Variants in CCSER1 observed in about 807,000 individuals in gnomAD.
The protein encoded by CCSER1 is serine-rich coiled-coil domain-containing protein 1.
Under a neutral mutation model 82.0 loss-of-function variants are expected in CCSER1, and 41 were observed. The ratio of observed to expected loss-of-function variants is 0.50; its 90% CI spans 0.39 to 0.65. The LOEUF is 0.65. Ranked by LOEUF, CCSER1 falls within the 30% of genes least tolerant of loss-of-function variation. The probability of loss-of-function intolerance (pLI) is 0.00; values close to 1 mark genes in which losing one functional copy is unlikely to be tolerated. For missense variants in CCSER1, 1,119 were observed against 1,064.2 expected (o/e 1.05, Z -0.72); for synonymous variants, 414 against 383.9 (o/e 1.08, Z -0.92).
chr4:90,439,559 A>C (rs1239462521), intron 4 of CCSER1, among the ~76,000 whole-genome samples: 1 of 152,186 alleles, frequency 6.6e-6, no homozygotes, highest in African/African-American at 2.4e-5. Context: ...GCTCTCTGCC[A>C]AGGCTTTTCC....
intron 9 of CCSER1, among the ~76,000 whole-genome samples, chr4:91,079,214 A>T (rs995891234): frequency 9.2e-5 from 14 of 152,230 alleles, no homozygotes; most frequent in African/African-American, 2.9e-4. Context: ...CATCAGACTA[A>T]CAGCAGATCT....
chr4:91,483,778 TG>T (rs1434938643), intron 10 of CCSER1, among the ~76,000 whole-genome samples: 10 of 152,172 alleles, frequency 6.6e-5, no homozygotes, highest in African/African-American at 2.4e-4. Flanking sequence ...ATCTTATTTT[TG>T]TCAAGAGTAA....
intron 7 of CCSER1, among the ~76,000 whole-genome samples, chr4:90,776,087 G>A (rs1452979755): frequency 6.6e-6 from 1 of 152,068 alleles, no homozygotes; most frequent in Non-Finnish European, 1.5e-5. Flanking sequence ...AATATGGAAA[G>A]TACCAGATAG....
chr4:91,257,053 T>G (rs1457888030), intron 10 of CCSER1, among the ~76,000 whole-genome samples: 1 of 152,202 alleles, frequency 6.6e-6, no homozygotes, highest in East Asian at 1.9e-4. Flanking sequence ...AGATAAATCT[T>G]GTTTCACTCT....
intron 10 of CCSER1, among the ~76,000 whole-genome samples, chr4:91,348,703 C>T (rs1194243333): frequency 2.6e-5 from 4 of 152,070 alleles, no homozygotes; most frequent in African/African-American, 9.7e-5. Context: ...AGGAATTGCT[C>T]CATTTCATCC....
At position 90,924,410 on chromosome 4, in the gene CCSER1, T is replaced by C. The variant is rs999506269; in HGVS notation, c.2172+963T>C. Among the ~76,000 whole-genome samples the C allele has an allele frequency of 1.1e-4, 16 of 152,224 alleles. No homozygotes were observed. The South Asian group carries it at 1.5e-3, about 14-fold the overall frequency. ...TTAGGAAATAAACCAAAGCTTTGAA[T>C]CACTGCACAAATTGTTTTCAAGTGT... On this transcript the variant is annotated intron_variant, in intron 9 of 10. Coordinates refer to ENST00000509176, the MANE Select transcript of CCSER1 (RefSeq NM_001145065.2).
chr4:90,427,425 G>A (rs1757676872), intron 4 of CCSER1, among the ~76,000 whole-genome samples: 1 of 150,914 alleles, frequency 6.6e-6, no homozygotes, highest in African/African-American at 2.4e-5. Flanking sequence ...GGAATCTTTT[G>A]TTTATATGTT....
chr4:91,213,720 T>C (rs1304398798), intron 10 of CCSER1, among the ~76,000 whole-genome samples: 2 of 152,118 alleles, frequency 1.3e-5, no homozygotes, highest in Non-Finnish European at 2.9e-5. Flanking sequence ...GACAATAAAG[T>C]CATTGTAGCA....
At chr4:90,503,336 T>C (rs1475598369) in intron 5 of CCSER1, among the ~76,000 whole-genome samples, 1 of 152,212 alleles carries the variant, frequency 6.6e-6, no homozygotes. Flanking sequence ...CTTGTGGTCT[T>C]ACTATAAGCG....
intron 1 of CCSER1, among the ~76,000 whole-genome samples, chr4:90,229,132 A>G (rs1415517216): frequency 4.6e-5 from 7 of 152,080 alleles, no homozygotes; most frequent in Non-Finnish European, 1.0e-4. Flanking sequence ...CCACAAAGCT[A>G]CTCCTCGAGA....
chr4:91,163,996 C>G (rs552145229), intron 10 of CCSER1, among the ~76,000 whole-genome samples: 1 of 152,198 alleles, frequency 6.6e-6, no homozygotes, highest in Non-Finnish European at 1.5e-5. Flanking sequence ...TTATTTTGCT[C>G]GTTAGTTGAT....
chr4:90,205,266 G>C (rs566635085), intron 1 of CCSER1, among the ~76,000 whole-genome samples: 1 of 152,264 alleles, frequency 6.6e-6, no homozygotes, highest in Admixed American at 6.5e-5. Context: ...TCCTTGTCTT[G>C]TGCCAGTTTT....
chr4:90,504,690 G>C (rs1038051412), intron 5 of CCSER1, among the ~76,000 whole-genome samples: 2 of 152,124 alleles, frequency 1.3e-5, no homozygotes, highest in Non-Finnish European at 2.9e-5. Context: ...GTAAAATAAA[G>C]TGACAATAAG....
intron 6 of CCSER1, among the ~76,000 whole-genome samples, chr4:90,685,804 G>A (rs1734722108): frequency 6.6e-6 from 1 of 152,158 alleles, no homozygotes; most frequent in Non-Finnish European, 1.5e-5. Context: ...TTTCTATTTT[G>A]CTGGAAACGT....
intron 10 of CCSER1, among the ~76,000 whole-genome samples, chr4:91,570,506 G>A (rs1191933597): frequency 6.6e-6 from 1 of 152,214 alleles, no homozygotes; most frequent in Non-Finnish European, 1.5e-5. Flanking sequence ...CCAAACCTCA[G>A]TTCTTGACTT....
At position 91,599,871 on chromosome 4, in the gene CCSER1, C is replaced by A. The variant is rs1236874185; in HGVS notation, c.*814C>A. The A allele has an allele frequency of 6.6e-6, 1 of 152,084 alleles. No homozygotes were observed. The highest frequency in any genetic ancestry group is 1.5e-5 in the Non-Finnish European group (1 of 67,990). 9.4% of individuals were successfully genotyped at this position (152,084 alleles called of 1,614,324 possible). A position where few individuals can be genotyped will look rare whatever the true frequency, so the allele number is the denominator to read the frequency against. ...ATACTGACATGCTATATTCTTTGAGCCACTGTCATGGCAATATAAACATTT... is the reference window on the plus strand; with the variant it reads ...ATACTGACATGCTATATTCTTTGAGACACTGTCATGGCAATATAAACATTT... On this transcript the variant is annotated 3_prime_UTR_variant, in exon 11 of 11. Coordinates refer to ENST00000509176, the MANE Select transcript of CCSER1 (RefSeq NM_001145065.2).
chr4:90,205,486 G>A (rs1738624450), intron 1 of CCSER1, among the ~76,000 whole-genome samples: 1 of 152,130 alleles, frequency 6.6e-6, no homozygotes, highest in Admixed American at 6.6e-5. Flanking sequence ...TTCTGTTTAT[G>A]TAATGGATGA....
intron 10 of CCSER1, among the ~76,000 whole-genome samples, chr4:91,098,733 G>A (rs12507087): frequency 0.087 from 13,163 of 152,008 alleles, 879 homozygotes; most frequent in East Asian, 0.27. Flanking sequence ...AGTAGAGATG[G>A]GGTTTCACCA....
At chr4:90,164,638 C>T (rs1029448722) in intron 1 of CCSER1, among the ~76,000 whole-genome samples, 3 of 151,908 alleles carry the variant, frequency 2.0e-5, no homozygotes, top group Non-Finnish European at 2.9e-5. Context: ...AGAAATAAAG[C>T]GAAGAGGAAA....
Sources: gnomAD v4.1 joint callset for allele counts (sites outside exome capture counted in the v4.1 genomes callset) on GRCh38, gnomAD v4.1.1 for gene constraint, MANE v1.5 for transcripts, NCBI Gene and HGNC (gene_info 2026-07-23, HGNC 2026-07-21) for gene names.